The following ADARB1 variants were observed in gnomAD, a reference collection of about 807,000 sequenced individuals.
ADARB1 encodes adenosine deaminase RNA specific B1.
In ADARB1, 10 loss-of-function variants were observed where a neutral mutation model predicts 52.4. That is an observed-to-expected ratio of 0.19 (90% CI 0.12 to 0.32). ADARB1 has a LOEUF of 0.32. Among genes scored for constraint, ADARB1 ranks in the 10% least tolerant of loss-of-function variants. The pLI, the probability that ADARB1 is intolerant of heterozygous loss-of-function variation, is 1.00. For synonymous variants in ADARB1, 349 were observed against 371.1 expected, an observed-to-expected ratio of 0.94 and a Z score of 0.68; for missense variants, 643 against 922.3, an observed-to-expected ratio of 0.70 and a Z score of 3.92.
chr21:45,197,652 A>G (rs944149442), intron 8 of ADARB1, among the ~76,000 whole-genome samples: 1 of 152,172 alleles, frequency 6.6e-6, no homozygotes, highest in Admixed American at 6.5e-5. Context: ...AAATAGTCAA[A>G]AACTGGAAGC....
rs114343112 is a variant in ADARB1 at position 45,122,330 on chromosome 21, C to G, written c.-219-6072C>G. 8.5e-3 allele frequency among the ~76,000 whole-genome samples: 1,296 copies of G among 152,308 alleles called. 11 individuals are homozygous for G. The highest frequency in any genetic ancestry group is 0.03 in the African/African-American group (1,243 of 41,556). On this transcript the variant is annotated intron_variant, in intron 1 of 10. Coordinates refer to ENST00000348831, the MANE Select transcript of ADARB1 (RefSeq NM_001112.4). ...ACTGGCACAGCAAATCCATCAAGTG[C>G]TGTGAATGATAAATGTGTTTTAATA...
At chr21:45,136,681 G>C (rs181605477) in intron 2 of ADARB1, among the ~76,000 whole-genome samples, 1 of 152,374 alleles carries the variant, frequency 6.6e-6, no homozygotes, top group East Asian at 1.9e-4. Flanking sequence ...GCCAGCGGCT[G>C]CTGGGAGAGC....
At chr21:45,085,474 G>A (rs1188214716) in intron 1 of ADARB1, among the ~76,000 whole-genome samples, 1 of 152,218 alleles carries the variant, frequency 6.6e-6, no homozygotes, top group East Asian at 1.9e-4. Context: ...CGTGGCTGCA[G>A]TTAAACAGCA....
chr21:45,151,238 T>G (rs575043868), intron 2 of ADARB1, among the ~76,000 whole-genome samples: 1 of 152,210 alleles, frequency 6.6e-6, no homozygotes, highest in Non-Finnish European at 1.5e-5. Context: ...ATATTCCAGA[T>G]AGATGCTGAG....
intron 1 of ADARB1, among the ~76,000 whole-genome samples, chr21:45,082,269 T>G (rs1312660536): frequency 6.6e-6 from 1 of 152,238 alleles, no homozygotes; most frequent in African/African-American, 2.4e-5. Context: ...CAACTTACGA[T>G]GAGGTTCATA....
At position 45,176,938 on chromosome 21, in the gene ADARB1, A is replaced by G. The variant is rs1399975789; in HGVS notation, c.963+274A>G. 2.1e-5 allele frequency: 8 copies of G among 382,066 alleles called. No individual in the cohort carries two copies. The highest frequency in any genetic ancestry group is 3.6e-5 in the Non-Finnish European group (8 of 222,440). 23.7% of individuals were successfully genotyped at this position (382,066 alleles called of 1,614,324 possible). On this transcript the variant is annotated intron_variant, in intron 4 of 10. Transcript: ENST00000348831. This position sits in a 1 kb window ranked among gnomAD's most constrained non-coding sequence, Gnocchi z 5.8. ...CAGAGCAGTGTTTACAACACTATCC[A>G]TAACTCCCTTCCCGTTAGGCAACCC...
chr21:45,169,202 G>A (rs1601738253), intron 2 of ADARB1, among the ~76,000 whole-genome samples: 3 of 152,338 alleles, frequency 2.0e-5, no homozygotes, highest in Admixed American at 2.0e-4. Flanking sequence ...GGGGTTGTTA[G>A]AGCCTGGTGG....
At chr21:45,113,088 A>G (rs866737525) in intron 1 of ADARB1, among the ~76,000 whole-genome samples, 6 of 152,248 alleles carry the variant, frequency 3.9e-5, no homozygotes, top group Middle Eastern at 6.8e-3. Context: ...CGCCTTTCCT[A>G]GGGATATTTT....
intron 1 of ADARB1, among the ~76,000 whole-genome samples, chr21:45,080,597 C>T (rs1449761779): frequency 1.3e-5 from 2 of 152,234 alleles, no homozygotes; most frequent in Admixed American, 6.5e-5. Flanking sequence ...AGCTTCTTAC[C>T]AGCTTGTGCT....
intron 2 of ADARB1, among the ~76,000 whole-genome samples, chr21:45,147,054 C>T (rs1468330741): frequency 1.3e-5 from 2 of 152,338 alleles, no homozygotes; most frequent in Non-Finnish European, 2.9e-5. Context: ...CGGCACTGCT[C>T]ACCTGGTGAC....
At chr21:45,100,081 C>T (rs1246003989) in intron 1 of ADARB1, among the ~76,000 whole-genome samples, 1 of 152,200 alleles carries the variant, frequency 6.6e-6, no homozygotes, top group Non-Finnish European at 1.5e-5. Context: ...TTTCCTTTTT[C>T]TCCCCCCGTG....
At chr21:45,185,626 C>A (rs1255615036) in intron 8 of ADARB1, among the ~76,000 whole-genome samples, 2 of 152,194 alleles carry the variant, frequency 1.3e-5, no homozygotes, top group Non-Finnish European at 2.9e-5. Flanking sequence ...CTGTAGTCAG[C>A]AGGCACCTGG....
intron 1 of ADARB1, among the ~76,000 whole-genome samples, chr21:45,109,475 A>G (rs971919776): frequency 1.3e-5 from 2 of 152,130 alleles, no homozygotes; most frequent in Non-Finnish European, 2.9e-5. Flanking sequence ...CAACAGGTGG[A>G]AAAGTATCCA....
At chr21:45,144,874 T>C (rs926309374) in intron 2 of ADARB1, 3 of 196,572 alleles carry the variant, frequency 1.5e-5, no homozygotes, top group African/African-American at 4.7e-5. Flanking sequence ...ACCAAAAATA[T>C]GCATTTTTGA....
At chr21:45,134,056 G>A (rs1217569424) in intron 2 of ADARB1, among the ~76,000 whole-genome samples, 1 of 101,156 alleles carries the variant, frequency 9.9e-6, no homozygotes, top group African/African-American at 4.0e-5. Context: ...GTGTGTGCCC[G>A]ACAGTGGTGT....
At position 45,204,749 on chromosome 21, in the gene ADARB1, A is replaced by G. The variant is rs763363349; in HGVS notation, c.1747+13A>G. On this transcript the variant is annotated intron_variant, in intron 9 of 10. Transcript: ENST00000348831. This position sits in a 1 kb window ranked among gnomAD's most constrained non-coding sequence, Gnocchi z 4.4. ...CCTTTGCTCAGTGGCAAGTATCTCT[A>G]GAGTGTGCTGATTTAATCTCTGTCT... The G allele has an allele frequency of 5.6e-5, 91 of 1,611,476 alleles. No individual in the cohort carries two copies. The highest frequency in any genetic ancestry group is 7.6e-5 in the Non-Finnish European group (89 of 1,178,356).
intron 8 of ADARB1, among the ~76,000 whole-genome samples, chr21:45,201,836 G>C (rs79164404): frequency 0.05 from 7,661 of 151,996 alleles, 291 homozygotes; most frequent in East Asian, 0.15. Context: ...TAAGCAAAAG[G>C]CTTGAGTGGC....
At position 45,124,885 on chromosome 21, in the gene ADARB1, C is replaced by G. The variant is rs1330164934; in HGVS notation, c.-219-3517C>G. On this transcript the variant is annotated intron_variant, in intron 1 of 10. Coordinates refer to ENST00000348831, the MANE Select transcript of ADARB1 (RefSeq NM_001112.4). The stretch of plus-strand genomic sequence containing the variant: ...CAATCTCAGCTCACTGCAGCCTCGA[C>G]CATTCAGGCTCAGGTGATTTCTCAC... Among the ~76,000 whole-genome samples, 4 of 151,726 alleles carry G rather than the reference C, an allele frequency of 2.6e-5. No individual in the cohort carries two copies. In the East Asian group the frequency reaches 7.7e-4, roughly 29 times the overall value.
chr21:45,147,774 A>G (rs189996620), intron 2 of ADARB1, among the ~76,000 whole-genome samples: 1 of 152,136 alleles, frequency 6.6e-6, no homozygotes, highest in African/African-American at 2.4e-5. Flanking sequence ...TGTGATAGCC[A>G]TGCAGGTCAG....
Sources: allele counts gnomAD v4.1 joint callset (sites outside exome capture counted in the v4.1 genomes callset), GRCh38; gene constraint gnomAD v4.1.1; non-coding constraint Gnocchi (gnomAD v3.1); transcripts MANE v1.5; gene names NCBI Gene and HGNC (gene_info 2026-07-23, HGNC 2026-07-21).